Variants in SPIRE1 observed in about 807,000 individuals in gnomAD.
The protein encoded by SPIRE1 is spire type actin nucleation factor 1, also known as protein spire homolog 1.
In SPIRE1, 40 loss-of-function variants were observed where a neutral mutation model predicts 94.1. The observed-to-expected ratio is 0.43, with a 90% CI of 0.33 to 0.55. SPIRE1 has a LOEUF of 0.55. Ranked by LOEUF, SPIRE1 falls within the 20% of genes least tolerant of loss-of-function variation. The pLI is 0.06. For missense variants in SPIRE1, 838 were observed against 975.2 expected, an observed-to-expected ratio of 0.86 and a Z score of 1.87; for synonymous variants, 376 against 371.7, an observed-to-expected ratio of 1.01 and a Z score of -0.13.
rs149629079 is a variant in SPIRE1, at chr18:12,515,307, G to A, written c.730-2776C>T. On this transcript the variant is annotated intron_variant, in intron 4 of 16. Coordinates refer to ENST00000409402, the MANE Select transcript of SPIRE1 (RefSeq NM_001128626.2). The stretch of plus-strand genomic sequence containing the variant: ...AGGCATGAGGACTGCTTGAGGCCAG[G>A]AGTTGAAGACCAACCTGGGCAACAC... Among the ~76,000 whole-genome samples, 1,337 of 152,044 alleles carry A rather than the reference G, an allele frequency of 8.8e-3. 9 individuals are homozygous for A. The highest frequency in any genetic ancestry group is 0.015 in the Admixed American group (224 of 15,260).
At chr18:12,526,531 T>C (rs1002761851) in intron 4 of SPIRE1, among the ~76,000 whole-genome samples, 5 of 152,078 alleles carry the variant, frequency 3.3e-5, no homozygotes, top group Non-Finnish European at 7.4e-5. Flanking sequence ...TCATTCACCA[T>C]CGTACCGACA....
intron 2 of SPIRE1, among the ~76,000 whole-genome samples, chr18:12,565,391 T>C (rs1236764999): frequency 2.0e-5 from 3 of 152,106 alleles, no homozygotes; most frequent in Non-Finnish European, 4.4e-5. Context: ...CTTTTTTCCA[T>C]TGGGAAGGAG....
intron 3 of SPIRE1, among the ~76,000 whole-genome samples, chr18:12,542,815 A>T (rs940652283): frequency 6.6e-6 from 1 of 152,040 alleles, no homozygotes; most frequent in Non-Finnish European, 1.5e-5. Context: ...ATTCATTTAG[A>T]TTTATTTTCA....
chr18:12,583,635 A>T (rs1306825767), intron 2 of SPIRE1, among the ~76,000 whole-genome samples: 1 of 151,998 alleles, frequency 6.6e-6, no homozygotes, highest in Non-Finnish European at 1.5e-5. Flanking sequence ...AATTAAAAAT[A>T]AAAAAAGGCC....
chr18:12,515,066 G>A (rs973803790), intron 4 of SPIRE1, among the ~76,000 whole-genome samples: 2 of 151,928 alleles, frequency 1.3e-5, no homozygotes, highest in African/African-American at 2.4e-5. Flanking sequence ...TTGGAAACAC[G>A]TTCTTTCTGC....
intron 2 of SPIRE1, among the ~76,000 whole-genome samples, chr18:12,585,373 A>G (rs2036368835): frequency 6.6e-6 from 1 of 152,218 alleles, no homozygotes; most frequent in Non-Finnish European, 1.5e-5. Context: ...GTAGGATCCC[A>G]CCAGACAAAA....
chr18:12,489,001 T>C lies in SPIRE1; in HGVS notation c.1190-3001A>G, dbSNP rs187759058. On this transcript the variant is annotated intron_variant, in intron 8 of 16. Coordinates refer to ENST00000409402, the MANE Select transcript of SPIRE1 (RefSeq NM_001128626.2). ...GAGATTGAGACCATCCTGGCTAACA[T>C]GGTGAAACCCCGTCTCTACTAAAAA... is the stretch of plus-strand genomic sequence containing the variant. Among the ~76,000 whole-genome samples the C allele has an allele frequency of 5.3e-4, 80 of 151,854 alleles. No individual in the cohort carries two copies. The East Asian group carries it at 0.012, about 22-fold the overall frequency.
At chr18:12,557,755 C>T (rs1249256716) in intron 2 of SPIRE1, among the ~76,000 whole-genome samples, 2 of 151,376 alleles carry the variant, frequency 1.3e-5, no homozygotes, top group African/African-American at 4.8e-5. Context: ...TATACAAATA[C>T]TACAACTATA....
chr18:12,561,717 ACATCC>A (rs1356058945), intron 2 of SPIRE1, among the ~76,000 whole-genome samples: 1 of 152,220 alleles, frequency 6.6e-6, no homozygotes, highest in East Asian at 1.9e-4. Flanking sequence ...TTTATTAAAG[ACATCC>A]CATATATTTT....
chr18:12,615,345 A>AATATATATATAT (rs71174107), intron 2 of SPIRE1, among the ~76,000 whole-genome samples: 28 of 17,204 alleles, frequency 1.6e-3, no homozygotes, highest in Non-Finnish European at 3.2e-3. Context: ...AAAAAAAAAA[A>AATATATATATAT]ATATATATAT....
intron 2 of SPIRE1, among the ~76,000 whole-genome samples, chr18:12,605,745 G>A (rs367691988): frequency 3.2e-4 from 49 of 152,230 alleles, no homozygotes; most frequent in African/African-American, 1.1e-3. Context: ...AATTAAATAC[G>A]TAATGGTACA....
intron 2 of SPIRE1, among the ~76,000 whole-genome samples, chr18:12,561,975 A>G (rs187909202): frequency 1.7e-4 from 26 of 152,364 alleles, no homozygotes; most frequent in Admixed American, 1.2e-3. Context: ...CAATAGTACT[A>G]TCACCAGCAA....
At chr18:12,465,503 A>G (rs535227744) in intron 10 of SPIRE1, among the ~76,000 whole-genome samples, 5 of 152,302 alleles carry the variant, frequency 3.3e-5, no homozygotes, top group African/African-American at 1.2e-4. Flanking sequence ...GGTATTTAAT[A>G]TCACTTTTTC....
chr18:12,501,270 G>A (rs2033655417), intron 6 of SPIRE1, among the ~76,000 whole-genome samples: 1 of 151,980 alleles, frequency 6.6e-6, no homozygotes, highest in South Asian at 2.1e-4. Flanking sequence ...GGTTACCAGG[G>A]GATAAGGGGA....
chr18:12,589,678 A>G (rs146684347), intron 2 of SPIRE1, among the ~76,000 whole-genome samples: 24 of 152,316 alleles, frequency 1.6e-4, no homozygotes, highest in African/African-American at 5.8e-4. Flanking sequence ...GCCCAACCTG[A>G]GAAGAACTGG....
At chr18:12,450,854 G>A in intron 16 of SPIRE1, 1 of 736,078 alleles carries the variant, frequency 1.4e-6, no homozygotes, top group South Asian at 1.4e-5. Context: ...AAATGACAGT[G>A]AAAAGCAGCC....
chr18:12,649,652 AG>A (rs1335353758), intron 1 of SPIRE1, among the ~76,000 whole-genome samples: 4 of 152,346 alleles, frequency 2.6e-5, no homozygotes, highest in African/African-American at 9.6e-5. Context: ...TAACAAGCAG[AG>A]TGCAACTCAT....
At chr18:12,563,546 A>G (rs2035743763) in intron 2 of SPIRE1, among the ~76,000 whole-genome samples, 1 of 152,216 alleles carries the variant, frequency 6.6e-6, no homozygotes, top group Non-Finnish European at 1.5e-5. Context: ...AATTATTCAT[A>G]AAAACAAATG....
chr18:12,652,977 T>C (rs922910232), intron 1 of SPIRE1: 1 of 152,150 alleles, frequency 6.6e-6, no homozygotes, highest in Admixed American at 6.5e-5. Context: ...AGAGTGACAA[T>C]GGCCTGTAGA....
Sources: allele counts gnomAD v4.1 joint callset (sites outside exome capture counted in the v4.1 genomes callset), GRCh38; gene constraint gnomAD v4.1.1; transcripts MANE v1.5; gene names NCBI Gene and HGNC (gene_info 2026-07-23, HGNC 2026-07-21).